SACS: variants seen among roughly 807,000 people sequenced by gnomAD.
SACS encodes the protein sacsin molecular chaperone.
Under a neutral mutation model 348.0 loss-of-function variants are expected in SACS, and 197 were observed. The observed-to-expected ratio is 0.57, with a 90% confidence interval of 0.50 to 0.64. The LOEUF is 0.64. SACS is among the 30% of genes least tolerant of loss of function. The probability of loss-of-function intolerance (pLI) is 0.00; values close to 1 mark genes in which losing one functional copy is unlikely to be tolerated. For missense variants in SACS, 4,999 were observed against 5,360.8 expected (o/e 0.93, Z 2.11); for synonymous variants, 1,985 against 1,910.6 (o/e 1.04, Z -1.02).
chr13:23,408,044 T>C (rs1232394699), intron 2 of SACS, among the ~76,000 whole-genome samples: 3 of 152,194 alleles, frequency 2.0e-5, no homozygotes, highest in African/African-American at 7.2e-5. Flanking sequence ...CTCTCCCCTG[T>C]TGCAATCGTC....
intron 2 of SACS, among the ~76,000 whole-genome samples, chr13:23,380,137 G>GTT (rs1555257289): frequency 1.9e-4 from 17 of 88,830 alleles, no homozygotes; most frequent in Admixed American, 3.1e-4. Flanking sequence ...GTGTGTGTGT[G>GTT]TGTGTGTGTG....
intron 2 of SACS, among the ~76,000 whole-genome samples, chr13:23,407,489 A>G (rs1264108028): frequency 6.6e-6 from 1 of 151,980 alleles, no homozygotes; most frequent in Non-Finnish European, 1.5e-5. Flanking sequence ...GTGAGCCACC[A>G]CGCCCGGCCT....
chr13:23,395,249 G>C (rs1343993762), intron 2 of SACS, among the ~76,000 whole-genome samples: 1 of 152,046 alleles, frequency 6.6e-6, no homozygotes, highest in African/African-American at 2.4e-5. Context: ...TAAGAGTATG[G>C]GAGCTTCTCA....
At chr13:23,368,888 A>T (rs1036123669) in intron 4 of SACS, among the ~76,000 whole-genome samples, 1 of 151,914 alleles carries the variant, frequency 6.6e-6, no homozygotes, top group African/African-American at 2.4e-5. Context: ...TTTAGTAGAG[A>T]TGGGGTTTCA....
rs573653089 is a variant in SACS, at chr13:23,345,884, T to C, written c.2186-4194A>G. Among the ~76,000 whole-genome samples the C allele has an allele frequency of 1.0e-3, 153 of 152,118 alleles. 1 individual carries two copies. Among genetic ancestry groups the C allele is most frequent in the Middle Eastern group, 3.4e-3 (1 of 294 alleles). ...AACTTGGGGAAAATAGGACCACTAG[T>C]TGAGTCAAAAATTTTTTATTTATTA... On this transcript the variant is annotated intron_variant, in intron 9 of 9. Transcript: ENST00000382292.
rs150959878 is a variant in SACS, at chr13:23,331,438, C to T, written c.12438G>A (p.Ser4146=). Reference sequence around the variant, plus strand: ...TTGGAAGTTCCAGTTTTGATGGCTCCGAAGAGTCATATTTCACTCCTAAAC... The same window carrying T: ...TTGGAAGTTCCAGTTTTGATGGCTCTGAAGAGTCATATTTCACTCCTAAAC... ...LDSLGVKYDS[S]EPSKLELPMP... Residue 4146 remains serine (S), a synonymous_variant, in exon 10 of 10, where the codon TCG becomes TCA. Transcript: ENST00000382292. 9.4e-5 allele frequency: 152 copies of T among 1,613,810 alleles called. No individual in the cohort carries two copies. Among genetic ancestry groups the T allele is most frequent in the African/African-American group, 3.6e-4 (27 of 74,956 alleles).
At position 23,329,703 on chromosome 13, in the gene SACS, T is replaced by C. The variant is rs1883346232; in HGVS notation, c.*433A>G. ...ATCCAAGAGGATCCACTTAAAAAAA[T>C]GACAGACTACAAAGACTTAATTCCC... On this transcript the variant is annotated 3_prime_UTR_variant, in exon 10 of 10. Transcript: ENST00000382292. The C allele has an allele frequency of 2.0e-6, 1 of 511,272 alleles. No homozygotes were observed. Among genetic ancestry groups the C allele is most frequent in the South Asian group, 3.2e-5 (1 of 31,560 alleles). The allele number at this position is 511,272 out of a possible 1,614,324, so 31.7% of individuals were successfully genotyped here. A position where few individuals can be genotyped will look rare whatever the true frequency, so the allele number is the denominator to read the frequency against.
rs1566053904 is a variant in SACS at position 23,330,129 on chromosome 13, AAT to A, written c.*5_*6del. On this transcript the variant is annotated 3_prime_UTR_variant, in exon 10 of 10. Coordinates refer to ENST00000382292, the MANE Select transcript of SACS (RefSeq NM_014363.6). ...TCAAGATCTACCTTTTTTTTCGTTA[AAT>A]ATCTTCACACTTTTTGTTGCATAAA... 6.2e-7 allele frequency: 1 copy of A among 1,611,592 alleles called. No homozygotes were observed. The highest frequency in any genetic ancestry group is 1.7e-5 in the Admixed American group (1 of 59,810).
intron 1 of SACS, chr13:23,419,127 C>A (rs12867177): frequency 0.088 from 13,390 of 152,460 alleles, 760 homozygotes; most frequent in South Asian, 0.14. Flanking sequence ...GGCCGTCCGG[C>A]GCCTGTGTGA....
chr13:23,335,387 T>C lies in SACS; in HGVS notation c.8489A>G (p.Glu2830Gly). 1 of 1,613,924 alleles carries C rather than the reference T, an allele frequency of 6.2e-7. No homozygotes were observed. The highest frequency in any genetic ancestry group is 1.6e-4 in the Middle Eastern group (1 of 6,062). Reference protein sequence around the residue: ...ICNRSGFSSMEKVSKSVISAH... With the variant: ...ICNRSGFSSMGKVSKSVISAH... ...TGATATGACACTTTTAGATACTTTC[T>C]CCATACTTGAAAAGCCTGATCTATT... is the stretch of plus-strand genomic sequence containing the variant. Residue 2830 changes from glutamate to glycine, a missense_variant, in exon 10 of 10, where the codon GAG (glutamate) becomes GGG (glycine). Around this residue, in one of 6 missense-constraint regions of SACS, gnomAD observed 3,156 missense variants for 3,380.1 expected, o/e 0.93. Transcript: ENST00000382292. This position sits in a 1 kb window ranked among gnomAD's most constrained non-coding sequence, Gnocchi z 4.7.
chr13:23,378,496 G>A (rs1871904278), intron 2 of SACS, among the ~76,000 whole-genome samples: 1 of 151,534 alleles, frequency 6.6e-6, no homozygotes, highest in Admixed American at 6.6e-5. Flanking sequence ...TCTTTTTTGA[G>A]ACAGAGTCTC....
chr13:23,400,712 G>T (rs964446513), intron 2 of SACS, among the ~76,000 whole-genome samples: 1 of 152,158 alleles, frequency 6.6e-6, no homozygotes, highest in East Asian at 1.9e-4. Context: ...GAGCCACCGC[G>T]CCCGGCCAGT....
Position 23,338,879 on chromosome 13 carries a change from G to GT in SACS, c.4996dup (p.Thr1666AsnfsTer10), listed in dbSNP as rs1395775785. 1 of 1,613,114 alleles carries GT rather than the reference G, an allele frequency of 6.2e-7. No homozygotes were observed. The highest frequency in any genetic ancestry group is 8.5e-7 in the Non-Finnish European group (1 of 1,179,746). On this transcript the variant is annotated frameshift_variant, in exon 10 of 10. Transcript: ENST00000382292. LOFTEE classifies it high-confidence loss of function. ...ATCCACAAGAGAATAAATATCTGCT[G>GT]TATTGTAGCACGTACTACTAACTTC...
intron 2 of SACS, among the ~76,000 whole-genome samples, chr13:23,408,447 A>G (rs1873328868): frequency 1.3e-5 from 2 of 152,264 alleles, no homozygotes; most frequent in African/African-American, 4.8e-5. Context: ...GAAACTTCAG[A>G]TGAATATATT....
Position 23,329,617 on chromosome 13 carries a change from T to G in SACS, c.*519A>C. ...ATACTCTACCATTTCTTAAATGCAC[T>G]GAGTACAACATAAAATTACAACAAA... On this transcript the variant is annotated 3_prime_UTR_variant, in exon 10 of 10. Coordinates refer to ENST00000382292, the MANE Select transcript of SACS (RefSeq NM_014363.6). The G allele has an allele frequency of 1.8e-6, 1 of 558,268 alleles. No homozygotes were observed. The allele number at this position is 558,268 out of a possible 1,614,324, so 34.6% of individuals were successfully genotyped here.
intron 2 of SACS, among the ~76,000 whole-genome samples, chr13:23,398,207 A>C (rs568864040): frequency 5.3e-5 from 8 of 151,324 alleles, no homozygotes; most frequent in African/African-American, 1.9e-4. Context: ...ATAAAATAAA[A>C]TTAAATTAAA....
At chr13:23,380,155 G>GAA (rs1370894221) in intron 2 of SACS, among the ~76,000 whole-genome samples, 1 of 151,476 alleles carries the variant, frequency 6.6e-6, no homozygotes, top group Admixed American at 6.6e-5. Flanking sequence ...GTGTGAGAGA[G>GAA]AGAGAGAGAG....
At chr13:23,347,396 A>G (rs939155530) in intron 9 of SACS, among the ~76,000 whole-genome samples, 3 of 152,076 alleles carry the variant, frequency 2.0e-5, no homozygotes, top group Non-Finnish European at 2.9e-5. Flanking sequence ...TGCTTGAATG[A>G]AGCAAGAAAC....
intron 2 of SACS, among the ~76,000 whole-genome samples, chr13:23,405,695 A>G (rs952539781): frequency 2.6e-5 from 4 of 152,050 alleles, no homozygotes; most frequent in African/African-American, 9.7e-5. Flanking sequence ...ACAAATCTAC[A>G]AGGAAAAAAA....
Sources: gnomAD v4.1 joint callset for allele counts (sites outside exome capture counted in the v4.1 genomes callset) on GRCh38, gnomAD v4.1.1 for gene constraint, gnomAD v4.1.1 regional missense constraint, Gnocchi (gnomAD v3.1) non-coding constraint, MANE v1.5 for transcripts, NCBI Gene and HGNC (gene_info 2026-07-23, HGNC 2026-07-21) for gene names.